Variants in FADS2 observed in about 807,000 individuals in gnomAD.
The protein encoded by FADS2 is fatty acid desaturase 2.
FADS2 carries 18 observed loss-of-function variants against 61.2 expected under a neutral mutation model. The ratio of observed to expected loss-of-function variants is 0.29; its 90% CI spans 0.20 to 0.44. FADS2 has a LOEUF of 0.44. FADS2 is among the 20% of genes least tolerant of loss of function. The probability of loss-of-function intolerance (pLI) is 1.00; values close to 1 mark genes in which losing one functional copy is unlikely to be tolerated. For synonymous variants in FADS2, 203 were observed against 223.9 expected (o/e 0.91, Z 0.83); for missense variants, 322 against 572.7 (o/e 0.56, Z 4.47).
intron 4 of FADS2, among the ~76,000 whole-genome samples, chr11:61,843,247 T>C (rs1264632455): frequency 6.6e-6 from 1 of 152,152 alleles, no homozygotes; most frequent in East Asian, 1.9e-4. Context: ...CTGGGCCACA[T>C]AGCAAGACCC....
chr11:61,828,501 G>C lies in FADS2; in HGVS notation c.111G>C (p.Leu37=), dbSNP rs889560623. 2.5e-6 allele frequency: 4 copies of C among 1,613,478 alleles called. No homozygotes were observed. Among genetic ancestry groups the C allele is most frequent in the South Asian group, 1.1e-5 (1 of 90,894 alleles). The change falls in exon 1 of 12, where the codon CTG becomes CTC. Residue 37 remains leucine, a synonymous_variant. Coordinates refer to ENST00000278840, the MANE Select transcript of FADS2 (RefSeq NM_004265.4). The surrounding 1 kb of genome is among the most constrained non-coding windows in gnomAD (Gnocchi z 6.4). ...ATAACCTGCGCACCGACAGGTGGCT[G>C]GTCATTGACCGCAAGGTTTACAACA... The part of the protein sequence containing the change: ...QKHNLRTDRW[L]VIDRKVYNIT...
chr11:61,863,449 C>A, intron 9 of FADS2, 71 bp downstream of exon 9: 1 of 1,211,620 alleles, frequency 8.3e-7, no homozygotes, highest in Non-Finnish European at 1.2e-6. Context: ...TGATCTGCAC[C>A]TGCTAACACA....
At chr11:61,861,764 C>A (rs1278369809) in intron 7 of FADS2, among the ~76,000 whole-genome samples, 2 of 152,236 alleles carry the variant, frequency 1.3e-5, no homozygotes, top group Non-Finnish European at 2.9e-5. Flanking sequence ...TCACCTAGGA[C>A]CAGCCTAGAT....
intron 7 of FADS2, among the ~76,000 whole-genome samples, chr11:61,858,195 GTTTA>G (rs2067380502): frequency 6.6e-6 from 1 of 152,058 alleles, no homozygotes; most frequent in South Asian, 2.1e-4. Flanking sequence ...TTGTTTATTT[GTTTA>G]TTTATTGAGA....
chr11:61,825,381 G>T (rs1344615751), upstream of FADS2, among the ~76,000 whole-genome samples: 1 of 152,086 alleles, frequency 6.6e-6, no homozygotes, highest in African/African-American at 2.4e-5. Flanking sequence ...ACTCTGGGAG[G>T]CTGAGGTGGG....
intron 1 of FADS2, chr11:61,817,011 G>C: frequency 1.5e-6 from 2 of 1,319,730 alleles, no homozygotes; most frequent in East Asian, 3.1e-5. Context: ...GCCAACACGC[G>C]CCCCCTCGCG....
upstream of FADS2, among the ~76,000 whole-genome samples, chr11:61,824,496 A>G (rs1020418958): frequency 0.14 from 1,496 of 11,058 alleles, 396 homozygotes; most frequent in East Asian, 0.7. Context: ...GAGAGAAAGA[A>G]AGAAAGGAAA....
At position 61,836,350 on chromosome 11, in the gene FADS2, G is replaced by A. The variant is rs149211457; in HGVS notation, c.208-1428G>A. 4.1e-3 allele frequency among the ~76,000 whole-genome samples: 621 copies of A among 152,002 alleles called. 3 individuals are homozygous for A. The highest frequency in any genetic ancestry group is 0.014 in the African/African-American group (596 of 41,438). On this transcript the variant is annotated intron_variant, in intron 1 of 11. Transcript: ENST00000278840. ...TAACTTCAGGTGATCGCCCTGCCTCGGCTTCCCAAAGTGCTGGGATTACAG... is the reference window on the plus strand; with the variant it reads ...TAACTTCAGGTGATCGCCCTGCCTCAGCTTCCCAAAGTGCTGGGATTACAG...
In FADS2 at chr11:61,866,106, C is replaced by A; in HGVS notation, c.*417C>A. On this transcript the variant is annotated 3_prime_UTR_variant, in exon 12 of 12. Transcript: ENST00000278840. Reference sequence around the variant, plus strand: ...CCCCCGCTTTGGTTCTTCAGATGCTCTTGGGGTTCATAGGGGCAGGTCCTA... The same window carrying A: ...CCCCCGCTTTGGTTCTTCAGATGCTATTGGGGTTCATAGGGGCAGGTCCTA... 2.5e-6 allele frequency: 1 copy of A among 402,634 alleles called. No homozygotes were observed. The highest frequency in any genetic ancestry group is 4.4e-6 in the Non-Finnish European group (1 of 228,826). The allele number at this position is 402,634 out of a possible 1,614,324, so 24.9% of individuals were successfully genotyped here.
At chr11:61,864,963 G>A (rs2067453851) in intron 10 of FADS2, among the ~76,000 whole-genome samples, 189 bp from the exon 11 acceptor site, 2 of 152,072 alleles carry the variant, frequency 1.3e-5, no homozygotes, top group South Asian at 4.1e-4. Flanking sequence ...CTCACGGAGG[G>A]CTGCACCCTC....
intron 2 of FADS2, 71 bp downstream of exon 2, chr11:61,837,959 CCCCTTGCCCCATGA>C: frequency 9.3e-7 from 1 of 1,070,950 alleles, no homozygotes; most frequent in Non-Finnish European, 1.4e-6. Context: ...GAGAGAGGCT[CCCCTTGCCCCATGA>C]CCAGTAACTG....
intron 5 of FADS2, among the ~76,000 whole-genome samples, chr11:61,853,136 CAG>C (rs919237292): frequency 2.0e-5 from 3 of 150,628 alleles, no homozygotes; most frequent in African/African-American, 4.9e-5. Flanking sequence ...GCCTGGGCGA[CAG>C]AGTGAGACTC....
In FADS2 at chr11:61,816,614, T is replaced by C; in HGVS notation, c.141+188T>C. 6.3e-7 allele frequency: 1 copy of C among 1,588,854 alleles called. No homozygotes were observed. The highest frequency in any genetic ancestry group is 1.7e-4 in the Middle Eastern group (1 of 5,846). The stretch of plus-strand genomic sequence containing the variant: ...CGGGAGCCCCCTGGATGCCGGCGGG[T>C]GAACTCGCTGATGTTGTACACCTTA... On this transcript the variant is annotated intron_variant, in intron 1 of 11. Coordinates refer to the FADS2 transcript ENST00000257261. The surrounding 1 kb of genome is among the most constrained non-coding windows in gnomAD (Gnocchi z 7.0).
At chr11:61,824,111 G>A (rs1389107838), upstream of FADS2, among the ~76,000 whole-genome samples, 2 of 151,994 alleles carry the variant, frequency 1.3e-5, no homozygotes, top group African/African-American at 4.8e-5. Context: ...GCTGGGTGCG[G>A]TGGCTTATGC....
At chr11:61,835,322 C>A (rs1249662745) in intron 1 of FADS2, among the ~76,000 whole-genome samples, 7 of 152,022 alleles carry the variant, frequency 4.6e-5, no homozygotes, top group South Asian at 2.1e-4. Context: ...TGGCAGTTAC[C>A]CTTGGGAGAT....
chr11:61,817,462 A>G (rs1591158473), intron 1 of FADS2, among the ~76,000 whole-genome samples: 2 of 152,174 alleles, frequency 1.3e-5, no homozygotes, highest in Non-Finnish European at 2.9e-5. Context: ...GAGGGCTGTT[A>G]ATGCTTTAAT....
At position 61,840,612 on chromosome 11, in the gene FADS2, C is replaced by A; in HGVS notation, c.517-12C>A. Reference sequence around the variant, plus strand: ...TGAGGCTGTGACAGCACGTGTGACCCTCTCTCCCCAGGCCCAAGCTGGATG... The same window carrying A: ...TGAGGCTGTGACAGCACGTGTGACCATCTCTCCCCAGGCCCAAGCTGGATG... On this transcript the variant is annotated splice_polypyrimidine_tract_variant and intron_variant, in intron 3 of 11. Coordinates refer to ENST00000278840, the MANE Select transcript of FADS2 (RefSeq NM_004265.4). 1 of 1,613,964 alleles carries A rather than the reference C, an allele frequency of 6.2e-7. No individual in the cohort carries two copies. The highest frequency in any genetic ancestry group is 8.5e-7 in the Non-Finnish European group (1 of 1,179,810).
upstream of FADS2, among the ~76,000 whole-genome samples, chr11:61,825,786 G>A (rs12797130): frequency 4.7e-5 from 7 of 149,644 alleles, no homozygotes; most frequent in African/African-American, 7.4e-5. Context: ...CCAGCTACTC[G>A]GGAGGCTGAG....
At chr11:61,828,018 A>T (rs2067097265), upstream of FADS2, 6 of 1,116,330 alleles carry the variant, frequency 5.4e-6, no homozygotes, top group South Asian at 2.5e-5. This position sits in a 1 kb window ranked among gnomAD's most constrained non-coding sequence, Gnocchi z 6.4. Context: ...GGCGGCGGGG[A>T]ACGCGGGAGG....
Sources: gnomAD v4.1 joint callset for allele counts (sites outside exome capture counted in the v4.1 genomes callset) on GRCh38, gnomAD v4.1.1 for gene constraint, Gnocchi (gnomAD v3.1) non-coding constraint, MANE v1.5 for transcripts, NCBI Gene and HGNC (gene_info 2026-07-23, HGNC 2026-07-21) for gene names.